The following JARID2 variants were observed in gnomAD, a reference collection of about 807,000 sequenced individuals.
The protein encoded by JARID2 is protein Jumonji.
JARID2 carries 21 observed loss-of-function variants against 125.6 expected under a neutral mutation model. The ratio of observed to expected loss-of-function variants is 0.17; its 90% CI spans 0.12 to 0.24. The LOEUF (loss-of-function observed/expected upper bound fraction) is 0.24. JARID2 is among the 10% of genes least tolerant of loss of function. The probability of loss-of-function intolerance (pLI) is 1.00; values close to 1 mark genes in which losing one functional copy is unlikely to be tolerated. For synonymous variants in JARID2, 736 were observed against 661.6 expected (o/e 1.11, Z -1.73); for missense variants, 1,303 against 1,639.6 (o/e 0.79, Z 3.55).
At chr6:15,343,533 A>C (rs1051887242) in intron 1 of JARID2, among the ~76,000 whole-genome samples, 11 of 152,312 alleles carry the variant, frequency 7.2e-5, no homozygotes, top group South Asian at 2.1e-4. Context: ...AAAGTATGAT[A>C]GTCTCTTGCT....
Position 15,452,106 on chromosome 6 carries a change from A to G in JARID2, c.424A>G (p.Thr142Ala), listed in dbSNP as rs1767945082. The change falls in exon 4 of 18, where the codon ACT (threonine) becomes GCT (alanine). Residue 142 changes from threonine to alanine, a missense_variant. Transcript: ENST00000341776. ...IVEPLLPPPA[T>A]QISDLSKRKP... ...GGAGCCATTGCTACCCCCTCCAGCTACTCAGATATCAGACCTCTCTAAAAG... is the reference window on the plus strand; with the variant it reads ...GGAGCCATTGCTACCCCCTCCAGCTGCTCAGATATCAGACCTCTCTAAAAG... The G allele has an allele frequency of 1.9e-6, 3 of 1,613,996 alleles. No individual in the cohort carries two copies. Among genetic ancestry groups the G allele is most frequent in the African/African-American group, 2.7e-5 (2 of 74,894 alleles).
At chr6:15,467,883 G>A (rs998078446) in intron 4 of JARID2, among the ~76,000 whole-genome samples, 10 of 152,188 alleles carry the variant, frequency 6.6e-5, no homozygotes, top group Non-Finnish European at 8.8e-5. Flanking sequence ...AGGATGAGAG[G>A]TTAAGATGTA....
intron 1 of JARID2, among the ~76,000 whole-genome samples, chr6:15,284,652 A>G (rs1581368275): frequency 6.6e-6 from 1 of 151,588 alleles, no homozygotes; most frequent in East Asian, 1.9e-4. Context: ...ACGCTTGGCT[A>G]ATTTTTGTAT....
intron 5 of JARID2, among the ~76,000 whole-genome samples, chr6:15,486,675 T>C (rs73367316): frequency 9.8e-4 from 149 of 152,352 alleles, no homozygotes; most frequent in African/African-American, 3.3e-3. Context: ...TGGGTCTGGC[T>C]CAAAGTTCCA....
rs769089368 is a variant in JARID2, at chr6:15,520,829, CGTT to C, written c.*582_*584del. 1 of 455,744 alleles carries C rather than the reference CGTT, an allele frequency of 2.2e-6. No individual in the cohort carries two copies. The highest frequency in any genetic ancestry group is 1.5e-5 in the South Asian group (1 of 64,564). The allele number at this position is 455,744 out of a possible 1,614,324, so 28.2% of individuals were successfully genotyped here. A position where few individuals can be genotyped will look rare whatever the true frequency, so the allele number is the denominator to read the frequency against. On this transcript the variant is annotated 3_prime_UTR_variant, in exon 18 of 18. Transcript: ENST00000341776. Reference sequence around the variant, plus strand: ...GGCGGTTGTGGCAGCTGAAGGCGGACGTTGTTTCCTAACCATAGGTGGAACGAG... The same window carrying C: ...GGCGGTTGTGGCAGCTGAAGGCGGACGTTTCCTAACCATAGGTGGAACGAG...
intron 1 of JARID2, among the ~76,000 whole-genome samples, chr6:15,270,162 C>A (rs900468854): frequency 3.9e-5 from 6 of 152,068 alleles, no homozygotes; most frequent in African/African-American, 1.4e-4. Flanking sequence ...GATGGACTTT[C>A]ACTCATGTTG....
intron 2 of JARID2, among the ~76,000 whole-genome samples, chr6:15,406,667 G>C (rs1013355227): frequency 2.6e-5 from 4 of 152,160 alleles, no homozygotes; most frequent in African/African-American, 9.7e-5. Context: ...TGCCTTATCA[G>C]AGTAGCCTTA....
chr6:15,286,861 CAA>C (rs1180696178), intron 1 of JARID2, among the ~76,000 whole-genome samples: 8 of 111,380 alleles, frequency 7.2e-5, no homozygotes, highest in Admixed American at 9.1e-5. Flanking sequence ...GACTCCATCT[CAA>C]AAAAAAAAAA....
At chr6:15,292,109 C>G (rs140030848) in intron 1 of JARID2, among the ~76,000 whole-genome samples, 1 of 152,018 alleles carries the variant, frequency 6.6e-6, no homozygotes, top group African/African-American at 2.4e-5. Context: ...CTTCGCCTCC[C>G]GGGTTCACGC....
intron 1 of JARID2, among the ~76,000 whole-genome samples, chr6:15,283,737 A>G (rs1159058606): frequency 1.6e-5 from 2 of 125,524 alleles, no homozygotes; most frequent in Non-Finnish European, 3.2e-5. Context: ...ATGGAGTGTC[A>G]CTCTGTTGCC....
intron 2 of JARID2, among the ~76,000 whole-genome samples, chr6:15,382,756 C>T (rs1393172953): frequency 2.6e-5 from 4 of 152,206 alleles, no homozygotes; most frequent in Non-Finnish European, 4.4e-5. Context: ...GCTGCTTGCA[C>T]GCATTTCCTG....
chr6:15,404,479 C>T (rs1461365180), intron 2 of JARID2, among the ~76,000 whole-genome samples: 1 of 151,406 alleles, frequency 6.6e-6, no homozygotes, highest in Non-Finnish European at 1.5e-5. Context: ...CTACCTCAGC[C>T]ATGGGGGCTG....
At chr6:15,502,520 C>T (rs1039765208) in intron 8 of JARID2, among the ~76,000 whole-genome samples, 2 of 152,226 alleles carry the variant, frequency 1.3e-5, no homozygotes, top group African/African-American at 4.8e-5. Context: ...CCACCATACC[C>T]TCAGGTGCCC....
At chr6:15,479,614 G>T (rs11753594) in intron 5 of JARID2, among the ~76,000 whole-genome samples, 17,872 of 152,252 alleles carry the variant, frequency 0.12, 1,184 homozygotes, top group Non-Finnish European at 0.14. Context: ...AAGTGAAAGA[G>T]ATTTCATTGT....
intron 9 of JARID2, among the ~76,000 whole-genome samples, chr6:15,506,536 A>AGGGAAGCTGGACTTAGTGCTTCT (rs1340981122): frequency 7.9e-5 from 12 of 152,172 alleles, no homozygotes; most frequent in African/African-American, 2.7e-4. Flanking sequence ...TTGTGAGACG[A>AGGGAAGCTGGACTTAGTGCTTCT]GGGAAGAGGA....
At chr6:15,467,805 C>A (rs998949772) in intron 4 of JARID2, among the ~76,000 whole-genome samples, 4 of 151,950 alleles carry the variant, frequency 2.6e-5, no homozygotes, top group African/African-American at 9.7e-5. Flanking sequence ...GAGTGAGACC[C>A]TTTCTAGAAA....
chr6:15,346,149 G>T (rs1011982741), intron 1 of JARID2, among the ~76,000 whole-genome samples: 3 of 152,160 alleles, frequency 2.0e-5, no homozygotes, highest in African/African-American at 7.2e-5. Flanking sequence ...CATCTATTTG[G>T]TGAACATTAC....
intron 3 of JARID2, among the ~76,000 whole-genome samples, chr6:15,413,025 T>G (rs1158736035): frequency 1.5e-5 from 2 of 135,466 alleles, no homozygotes; most frequent in African/African-American, 2.7e-5. Context: ...TTTTTTTTGT[T>G]TTTTTTTTTT....
intron 3 of JARID2, among the ~76,000 whole-genome samples, chr6:15,450,759 A>T (rs1028189363): frequency 5.9e-5 from 9 of 152,258 alleles, no homozygotes; most frequent in African/African-American, 1.9e-4. Flanking sequence ...GCAATTGACG[A>T]TACATATCAA....
Sources: allele counts gnomAD v4.1 joint callset (sites outside exome capture counted in the v4.1 genomes callset), GRCh38; gene constraint gnomAD v4.1.1; transcripts MANE v1.5; gene names NCBI Gene and HGNC (gene_info 2026-07-23, HGNC 2026-07-21).